Variants in PPP1R12B observed in about 807,000 individuals in gnomAD.
The protein encoded by PPP1R12B is protein phosphatase 1 regulatory subunit 12B.
A neutral mutation model predicts 126.1 loss-of-function variants in PPP1R12B; 76 were observed. The ratio of observed to expected loss-of-function variants is 0.60; its 90% CI spans 0.50 to 0.73. PPP1R12B has a LOEUF of 0.73. PPP1R12B is among the 30% of genes least tolerant of loss of function. The probability of loss-of-function intolerance (pLI) is 0.00; values close to 1 mark genes in which losing one functional copy is unlikely to be tolerated. For synonymous variants in PPP1R12B, 356 were observed against 434.7 expected (o/e 0.82, Z 2.25); for missense variants, 1,052 against 1,205.1 (o/e 0.87, Z 1.88).
intron 1 of PPP1R12B, among the ~76,000 whole-genome samples, chr1:202,393,257 A>G (rs947533864): frequency 3.3e-5 from 5 of 152,158 alleles, no homozygotes; most frequent in African/African-American, 1.2e-4. Flanking sequence ...CTGAAATTAT[A>G]TACTTTAAAT....
At chr1:202,405,006 A>G (rs1666395799) in intron 1 of PPP1R12B, among the ~76,000 whole-genome samples, 2 of 152,234 alleles carry the variant, frequency 1.3e-5, no homozygotes, top group Non-Finnish European at 2.9e-5. Flanking sequence ...CCTGAGGACC[A>G]TGTCTGGTAT....
intron 10 of PPP1R12B, chr1:202,439,359 G>A (rs1009845377): frequency 7.4e-5 from 98 of 1,320,080 alleles, no homozygotes; most frequent in Non-Finnish European, 9.9e-5. Context: ...GACGATCCAC[G>A]CAGAACTCTT....
chr1:202,527,079 T>C (rs1451909979), intron 18 of PPP1R12B, among the ~76,000 whole-genome samples: 1 of 148,784 alleles, frequency 6.7e-6, no homozygotes, highest in East Asian at 1.9e-4. Context: ...AAAATAAAGA[T>C]AAAAGCAGAA....
In PPP1R12B at chr1:202,434,698, G is replaced by C. The variant is rs373933959; in HGVS notation, c.1184G>C (p.Ser395Thr). Residue 395 changes from serine (S) to threonine (T), a missense_variant, in exon 9 of 24, where the codon AGC becomes ACC. Ser to Thr is a moderately conservative substitution (Grantham distance 58, BLOSUM62 1). Transcript: ENST00000608999. ...EAFVNHSNSE[S>T]KSSITEQIPA... ...TTTGTCAATCATTCCAACTCTGAAA[G>C]CAAGAGTAGTATCACAGAGCAGATA... 2 of 1,613,580 alleles carry C rather than the reference G, an allele frequency of 1.2e-6. No homozygotes were observed. The highest frequency in any genetic ancestry group is 1.3e-5 in the African/African-American group (1 of 75,004).
intron 13 of PPP1R12B, among the ~76,000 whole-genome samples, chr1:202,481,687 G>A (rs1677391863): frequency 6.6e-6 from 1 of 152,126 alleles, no homozygotes; most frequent in Non-Finnish European, 1.5e-5. Flanking sequence ...AGAGTAGTTA[G>A]TATATTCATC....
At chr1:202,524,525 G>A (rs1211883153) in intron 18 of PPP1R12B, among the ~76,000 whole-genome samples, 4 of 151,982 alleles carry the variant, frequency 2.6e-5, no homozygotes, top group Admixed American at 6.6e-5. Flanking sequence ...CCCCTCTCAC[G>A]CTTTCCCCTG....
At chr1:202,450,008 C>CT (rs547020485) in intron 13 of PPP1R12B, among the ~76,000 whole-genome samples, 10 of 152,304 alleles carry the variant, frequency 6.6e-5, no homozygotes, top group African/African-American at 2.4e-4. Flanking sequence ...TTAAGCATAT[C>CT]TTTTTTCTGT....
At position 202,562,880 on chromosome 1, in the gene PPP1R12B, G is replaced by T; in HGVS notation, c.2610G>T (p.Leu870=). ...REAREARLAT[L]TSRVEEDSNR... ...CCCGGGAGGCCCGCCTAGCCACCCTGACCAGCCGTGTAGAAGAAGACAGCA... is the reference window on the plus strand; with the variant it reads ...CCCGGGAGGCCCGCCTAGCCACCCTTACCAGCCGTGTAGAAGAAGACAGCA... Residue 870 remains leucine, a synonymous_variant, in exon 20 of 24, where the codon CTG becomes CTT. Transcript: ENST00000608999. 6.2e-7 allele frequency: 1 copy of T among 1,606,626 alleles called. No homozygotes were observed. The highest frequency in any genetic ancestry group is 8.5e-7 in the Non-Finnish European group (1 of 1,178,006).
chr1:202,384,886 C>T (rs1352759175), intron 1 of PPP1R12B, among the ~76,000 whole-genome samples: 2 of 152,170 alleles, frequency 1.3e-5, no homozygotes, highest in Admixed American at 6.5e-5. Context: ...ACTGGCTATG[C>T]CAGTGTACAC....
At chr1:202,505,729 TA>T (rs1376904906) in intron 18 of PPP1R12B, among the ~76,000 whole-genome samples, 2 of 152,166 alleles carry the variant, frequency 1.3e-5, no homozygotes, top group Non-Finnish European at 2.9e-5. Context: ...AGTAAAGTAA[TA>T]TTTTTTTTTG....
rs117073749 is a variant in PPP1R12B, at chr1:202,357,182, G to C, written c.291+8040G>C. 1.6e-3 allele frequency among the ~76,000 whole-genome samples: 236 copies of C among 152,234 alleles called. 1 individual carries two copies. In the East Asian group the frequency reaches 0.035, roughly 23 times the overall value. On this transcript the variant is annotated intron_variant, in intron 1 of 23. Coordinates refer to ENST00000608999, the MANE Select transcript of PPP1R12B (RefSeq NM_002481.4). ...TCCAGAATGCTATGATAATAAATTT[G>C]TGTTGTTTTAAGCAACTAAGTTTAT... is the stretch of plus-strand genomic sequence containing the variant.
chr1:202,393,793 G>T (rs191255579), intron 1 of PPP1R12B, among the ~76,000 whole-genome samples: 1 of 152,130 alleles, frequency 6.6e-6, no homozygotes, highest in Non-Finnish European at 1.5e-5. Flanking sequence ...GGGCATGATG[G>T]CTCACTCCTG....
intron 1 of PPP1R12B, among the ~76,000 whole-genome samples, chr1:202,358,569 C>G (rs1159331647): frequency 2.0e-5 from 3 of 151,892 alleles, no homozygotes; most frequent in African/African-American, 7.3e-5. Flanking sequence ...GTTGTCCCAG[C>G]TACTCGGGAG....
intron 13 of PPP1R12B, among the ~76,000 whole-genome samples, chr1:202,455,627 C>G (rs1056227821): frequency 1.3e-5 from 2 of 152,152 alleles, no homozygotes; most frequent in Admixed American, 6.5e-5. Flanking sequence ...TCAATGGACA[C>G]TTGAGTTGTT....
At chr1:202,523,221 T>A (rs1388518833) in intron 18 of PPP1R12B, among the ~76,000 whole-genome samples, 1 of 152,216 alleles carries the variant, frequency 6.6e-6, no homozygotes, top group Non-Finnish European at 1.5e-5. Flanking sequence ...TCCTGACCTG[T>A]TGAAGTGTAC....
At chr1:202,578,515 G>C (rs1689294885) in intron 23 of PPP1R12B, among the ~76,000 whole-genome samples, 1 of 152,198 alleles carries the variant, frequency 6.6e-6, no homozygotes, top group African/African-American at 2.4e-5. Flanking sequence ...ACGAAGGAGA[G>C]GGCAGCCAGA....
intron 1 of PPP1R12B, among the ~76,000 whole-genome samples, chr1:202,359,740 C>T (rs922910830): frequency 6.6e-6 from 1 of 152,052 alleles, no homozygotes; most frequent in Non-Finnish European, 1.5e-5. Context: ...GGAGGCGGAG[C>T]TTGCAGTGAG....
Position 202,348,879 on chromosome 1 carries a change from A to G in PPP1R12B, c.28A>G (p.Lys10Glu). The stretch of plus-strand genomic sequence containing the variant: ...GGCGGAACTGGAGCACCTAGGAGGG[A>G]AGCGGGCAGAGTCGGCGCGAATGCG... MAELEHLGG[K>E]RAESARMRRA... is the part of the protein sequence containing the mutation. The change falls in exon 1 of 24, where the codon AAG becomes GAG. Residue 10 changes from lysine (K) to glutamate (E), a missense_variant. Lys to Glu is a moderately conservative substitution (Grantham distance 56). Coordinates refer to ENST00000608999, the MANE Select transcript of PPP1R12B (RefSeq NM_002481.4). The G allele has an allele frequency of 6.2e-7, 1 of 1,610,586 alleles. No individual in the cohort carries two copies. Among genetic ancestry groups the G allele is most frequent in the Non-Finnish European group, 8.5e-7 (1 of 1,179,276 alleles).
intron 13 of PPP1R12B, among the ~76,000 whole-genome samples, chr1:202,453,037 T>C (rs1402503675): frequency 4.6e-5 from 7 of 152,216 alleles, no homozygotes; most frequent in Non-Finnish European, 8.8e-5. Flanking sequence ...TGGTTGAAAG[T>C]GGACATCCTT....
Sources: allele counts gnomAD v4.1 joint callset (sites outside exome capture counted in the v4.1 genomes callset), GRCh38; gene constraint gnomAD v4.1.1; transcripts MANE v1.5; gene names NCBI Gene and HGNC (gene_info 2026-07-23, HGNC 2026-07-21).